REPS2: variants seen among roughly 807,000 people sequenced by gnomAD.
The protein encoded by REPS2 is ralBP1-associated Eps domain-containing protein 2.
Under a neutral mutation model 53.6 loss-of-function variants are expected in REPS2, and 23 were observed. The ratio of observed to expected loss-of-function variants is 0.43; its 90% CI spans 0.31 to 0.61. The LOEUF (loss-of-function observed/expected upper bound fraction) is 0.61, where lower values mean the gene tolerates loss of function less well. Ranked by LOEUF, REPS2 falls within the 20% of genes least tolerant of loss-of-function variation. The pLI is 0.11. For missense variants in REPS2, 446 were observed against 534.9 expected (o/e 0.83, Z 1.64); for synonymous variants, 238 against 218.6 (o/e 1.09, Z -0.78).
the REPS2 span, among the ~76,000 whole-genome samples, chrX:17,172,971 A>ATGTGTGTG: frequency 1.6e-5 from 1 of 63,061 alleles, no homozygotes; most frequent in African/African-American, 5.9e-5. Flanking sequence ...GTCTGTGTGT[A>ATGTGTGTG]TGTATGTGTG....
At chrX:17,062,558 A>G (rs1270189317) in intron 9 of REPS2, 26 bp downstream of exon 9, 6 of 1,079,073 alleles carry the variant, frequency 5.6e-6, no homozygotes, top group Non-Finnish European at 5.1e-6. Flanking sequence ...ATGCTAATAA[A>G]TAAGGATGTG....
At position 17,110,310 on chromosome X, in the gene REPS2, CT is replaced by C. The variant is rs202016963; in HGVS notation, c.1578+6549del. ...GGGACCAGAAGTGGTTTAGATTTCA[CT>C]TTTTTTTTTTTTTTTTTGGGAATAT... On this transcript the variant is annotated intron_variant, in intron 14 of 17. Transcript: ENST00000357277. Among the ~76,000 whole-genome samples, 175 of 86,483 alleles carry C rather than the reference CT, an allele frequency of 2.0e-3. 1 individual carries two copies. Among genetic ancestry groups the C allele is most frequent in the East Asian group, 6.1e-3 (17 of 2,776 alleles). The allele number at this position is 86,483 out of a possible 115,157, so 75.1% of individuals were successfully genotyped here.
chrX:17,106,604 C>T lies in REPS2; in HGVS notation c.1578+2825C>T, dbSNP rs867376142. Among the ~76,000 whole-genome samples, 5 of 109,277 alleles carry T rather than the reference C, an allele frequency of 4.6e-5. No homozygotes were observed. In the South Asian group the frequency reaches 1.2e-3, roughly 26 times the overall value. The allele number at this position is 109,277 out of a possible 115,157, so 94.9% of individuals were successfully genotyped here. A position where few individuals can be genotyped will look rare whatever the true frequency, so the allele number is the denominator to read the frequency against. Reference sequence around the variant, plus strand: ...AATTTTCTGTATTTTTTAGTAGAGACGGGATTTAACTGTGTTAGCCGGGAT... The same window carrying T: ...AATTTTCTGTATTTTTTAGTAGAGATGGGATTTAACTGTGTTAGCCGGGAT... On this transcript the variant is annotated intron_variant, in intron 14 of 17. Transcript: ENST00000357277.
chrX:17,012,955 G>A (rs2061447732), intron 2 of REPS2, among the ~76,000 whole-genome samples: 1 of 112,030 alleles, frequency 8.9e-6, no homozygotes, highest in African/African-American at 3.2e-5. Context: ...CCACTGTTGT[G>A]GTCACGATTC....
chrX:17,029,640 G>C lies in REPS2; in HGVS notation c.771+17G>C. 8.8e-7 allele frequency: 1 copy of C among 1,138,106 alleles called. No individual in the cohort carries two copies. The highest frequency in any genetic ancestry group is 1.2e-6 in the Non-Finnish European group (1 of 831,589). The allele number at this position is 1,138,106 out of a possible 1,213,427, so 93.8% of individuals were successfully genotyped here. A position where few individuals can be genotyped will look rare whatever the true frequency, so the allele number is the denominator to read the frequency against. ...CTTATCCGGGTAAGTGATGATGCAG[G>C]GTTATGCCAATGGGACAGTAGAGTC... is the stretch of plus-strand genomic sequence containing the variant. On this transcript the variant is annotated intron_variant, in intron 5 of 17. Transcript: ENST00000357277.
intron 1 of REPS2, among the ~76,000 whole-genome samples, chrX:16,969,753 CGAGAGGGAGAGGGAGAGAGGGAGAGGGA>C (rs761804323): frequency 4.2e-4 from 29 of 69,270 alleles, no homozygotes; most frequent in South Asian, 1.1e-3. Flanking sequence ...AGAGGGAGAC[CGAGAGGGAGAGGGAGAGAGGGAGAGGGA>C]GAGAGGGAGA....
chrX:17,047,835 A>G, intron 6 of REPS2, among the ~76,000 whole-genome samples: 1 of 112,798 alleles, frequency 8.9e-6, no homozygotes, highest in Non-Finnish European at 1.9e-5. Context: ...GTGGCCTCCT[A>G]AGGAGTTGGT....
intron 1 of REPS2, among the ~76,000 whole-genome samples, chrX:16,969,339 G>A (rs2060843067): frequency 8.9e-6 from 1 of 111,930 alleles, no homozygotes; most frequent in Non-Finnish European, 1.9e-5. Context: ...CCGGGCAGAG[G>A]CTGCAATCTC....
intron 11 of REPS2, among the ~76,000 whole-genome samples, chrX:17,072,634 A>AC (rs902627065): frequency 5.4e-5 from 6 of 112,122 alleles, no homozygotes; most frequent in African/African-American, 1.9e-4. Context: ...GACCTCTCCT[A>AC]CCCATGTATT....
intron 1 of REPS2, among the ~76,000 whole-genome samples, chrX:16,948,198 C>T (rs1279019167): frequency 2.7e-5 from 3 of 112,442 alleles, no homozygotes; most frequent in Non-Finnish European, 5.6e-5. Context: ...TGTGTTCATA[C>T]GTATTTTTAA....
intron 13 of REPS2, among the ~76,000 whole-genome samples, chrX:17,082,580 TAAC>T (rs1322143496): frequency 8.9e-6 from 1 of 112,440 alleles, no homozygotes; most frequent in Non-Finnish European, 1.9e-5. Context: ...ATACTGATAA[TAAC>T]AACTCATTCC....
chrX:16,949,208 C>G (rs1172300446), intron 1 of REPS2, among the ~76,000 whole-genome samples: 1 of 111,070 alleles, frequency 9.0e-6, no homozygotes, highest in African/African-American at 3.3e-5. Context: ...AAACAGGAAC[C>G]TGTAAGTTGA....
chrX:17,112,089 A>T (rs2062979085), intron 14 of REPS2, among the ~76,000 whole-genome samples: 1 of 109,850 alleles, frequency 9.1e-6, no homozygotes, highest in Non-Finnish European at 1.9e-5. Context: ...CCTCCTGGGT[A>T]GCTGGGACTA....
At chrX:17,009,727 T>A (rs1190607723) in intron 2 of REPS2, among the ~76,000 whole-genome samples, 1 of 111,732 alleles carries the variant, frequency 8.9e-6, no homozygotes, top group Non-Finnish European at 1.9e-5. Context: ...CTTTTCCTAC[T>A]TTTGAAAGTG....
chrX:16,949,432 G>C (rs1394241375), intron 1 of REPS2, among the ~76,000 whole-genome samples: 1 of 112,182 alleles, frequency 8.9e-6, no homozygotes, highest in Non-Finnish European at 1.9e-5. Flanking sequence ...TTTTGAGATG[G>C]AGTCTCGTTC....
At chrX:17,019,102 C>T in intron 2 of REPS2, among the ~76,000 whole-genome samples, 2 of 112,089 alleles carry the variant, frequency 1.8e-5, no homozygotes, top group South Asian at 7.4e-4. Context: ...CCACCACTCC[C>T]AGCCTAAAGT....
At chrX:17,057,452 A>T (rs997734771) in intron 8 of REPS2, among the ~76,000 whole-genome samples, 3 of 112,604 alleles carry the variant, frequency 2.7e-5, no homozygotes, top group African/African-American at 9.7e-5. Context: ...CCATTCTGGG[A>T]TCTTCTTCAA....
intron 1 of REPS2, among the ~76,000 whole-genome samples, chrX:16,949,617 A>T (rs2060482960): frequency 8.9e-6 from 1 of 112,021 alleles, no homozygotes; most frequent in Admixed American, 9.4e-5. Context: ...CATGTTGGCC[A>T]GGCTGGTCTC....
chrX:17,052,456 T>G lies in REPS2; in HGVS notation c.971+11T>G, dbSNP rs1490831195. ...ACTCTCCTATATATGGTAAGTACAA[T>G]TAATGCCATATGACATTCATACCAT... On this transcript the variant is annotated intron_variant, in intron 7 of 17. Transcript: ENST00000357277. 8.6e-7 allele frequency: 1 copy of G among 1,158,973 alleles called. No individual in the cohort carries two copies. Among genetic ancestry groups the G allele is most frequent in the South Asian group, 1.9e-5 (1 of 51,922 alleles).
Sources: allele counts gnomAD v4.1 joint callset (sites outside exome capture counted in the v4.1 genomes callset), GRCh38; gene constraint gnomAD v4.1.1; transcripts MANE v1.5; gene names NCBI Gene and HGNC (gene_info 2026-07-23, HGNC 2026-07-21).